CFAP61: variants seen among roughly 807,000 people sequenced by gnomAD.
CFAP61 encodes cilia- and flagella-associated protein 61.
A neutral mutation model predicts 135.6 loss-of-function variants in CFAP61; 107 were observed. That is an observed-to-expected ratio of 0.79 (90% CI 0.67 to 0.93). The LOEUF is 0.93. CFAP61 is among the 40% of genes least tolerant of loss of function. The probability of loss-of-function intolerance (pLI) is 0.00; values close to 1 mark genes in which losing one functional copy is unlikely to be tolerated. For synonymous variants in CFAP61, 575 were observed against 578.5 expected, an observed-to-expected ratio of 0.99 and a Z score of 0.09; for missense variants, 1,507 against 1,556.2, an observed-to-expected ratio of 0.97 and a Z score of 0.53.
chr20:20,070,731 C>T (rs915319725), intron 2 of CFAP61, 123 bp from the exon 3 acceptor site: 25 of 812,700 alleles, frequency 3.1e-5, no homozygotes, highest in Admixed American at 2.0e-4. Flanking sequence ...TCACCTTTTC[C>T]AAAGATTATC....
intron 21 of CFAP61, among the ~76,000 whole-genome samples, chr20:20,274,679 A>T (rs534544145): frequency 5.7e-4 from 87 of 152,056 alleles, no homozygotes; most frequent in African/African-American, 1.8e-3. Context: ...AAATGAAAAT[A>T]AAAAAAAGGC....
At chr20:20,302,433 G>T (rs544627555) in intron 25 of CFAP61, among the ~76,000 whole-genome samples, 1 of 152,078 alleles carries the variant, frequency 6.6e-6, no homozygotes, top group Non-Finnish European at 1.5e-5. Context: ...AGGCCGAGGC[G>T]GGCAGATCAC....
At chr20:20,163,981 G>A in intron 10 of CFAP61, 69 bp from the exon 11 acceptor site, 1 of 1,320,644 alleles carries the variant, frequency 7.6e-7, no homozygotes, top group African/African-American at 1.5e-5. Context: ...AGATAATGCA[G>A]CCACCAGCCC....
intron 6 of CFAP61, among the ~76,000 whole-genome samples, chr20:20,082,602 G>A (rs1238067315): frequency 6.6e-6 from 1 of 152,162 alleles, no homozygotes; most frequent in African/African-American, 2.4e-5. Flanking sequence ...CCTGGGGCTG[G>A]GAGGAGACTT....
At chr20:20,196,520 C>T (rs779028490) in intron 15 of CFAP61, 50 bp from the exon 16 acceptor site, 10 of 1,313,108 alleles carry the variant, frequency 7.6e-6, no homozygotes, top group South Asian at 1.2e-5. Context: ...AAAATGCATG[C>T]CGTTTGTTTA....
chr20:20,060,676 A>G (rs755710589), intron 2 of CFAP61, among the ~76,000 whole-genome samples: 8 of 152,336 alleles, frequency 5.3e-5, no homozygotes, highest in Admixed American at 1.3e-4. Flanking sequence ...TGTTCTCACA[A>G]AGAATCATGG....
intron 21 of CFAP61, among the ~76,000 whole-genome samples, chr20:20,264,589 A>G (rs2052552184): frequency 6.6e-6 from 1 of 152,208 alleles, no homozygotes; most frequent in Non-Finnish European, 1.5e-5. Flanking sequence ...CTTATCAGGG[A>G]AAATTCTCTA....
intron 25 of CFAP61, among the ~76,000 whole-genome samples, chr20:20,310,379 C>T (rs770098733): frequency 2.6e-5 from 4 of 152,132 alleles, no homozygotes; most frequent in South Asian, 2.1e-4. Flanking sequence ...GAGCATTTAA[C>T]GGATTGTTCA....
chr20:20,298,684 G>A (rs570289228), intron 25 of CFAP61, among the ~76,000 whole-genome samples: 10 of 152,284 alleles, frequency 6.6e-5, no homozygotes, highest in Admixed American at 4.6e-4. Context: ...CTTTCCACAC[G>A]GGGCTGCTAA....
At chr20:20,122,111 TCCCCCCAAGTCCC>T (rs2049693667) in intron 8 of CFAP61, among the ~76,000 whole-genome samples, 1 of 151,278 alleles carries the variant, frequency 6.6e-6, no homozygotes, top group African/African-American at 2.4e-5. Flanking sequence ...CTCCCAGCTT[TCCCCCCAAGTCCC>T]CAAAGTCCAT....
At chr20:20,159,537 C>T in intron 10 of CFAP61, 93 bp downstream of exon 10, 1 of 1,105,286 alleles carries the variant, frequency 9.0e-7, no homozygotes. Flanking sequence ...TTCCTCCTCC[C>T]AATCTCCCTG....
chr20:20,353,809 T>C (rs116081277), intron 26 of CFAP61, among the ~76,000 whole-genome samples: 2 of 152,238 alleles, frequency 1.3e-5, no homozygotes, highest in African/African-American at 4.8e-5. Context: ...CTTGTTAGTA[T>C]GGCTGTTATA....
intron 2 of CFAP61, among the ~76,000 whole-genome samples, chr20:20,067,662 TA>T (rs1491085281): frequency 4.1e-5 from 5 of 122,452 alleles, no homozygotes; most frequent in South Asian, 2.7e-4. Flanking sequence ...TATATATATA[TA>T]ATATATATAT....
chr20:20,280,049 T>C (rs762037313), intron 22 of CFAP61, among the ~76,000 whole-genome samples: 6 of 152,106 alleles, frequency 3.9e-5, no homozygotes, highest in Non-Finnish European at 8.8e-5. Flanking sequence ...TAGAAAGATA[T>C]GTTGATGTCC....
Position 20,263,091 on chromosome 20 carries a change from G to A in CFAP61, c.2464G>A (p.Ala822Thr). 6.2e-7 allele frequency: 1 copy of A among 1,613,966 alleles called. No homozygotes were observed. Residue 822 changes from alanine (A) to threonine (T), a missense_variant, in exon 21 of 27, where the codon GCA (alanine) becomes ACA (threonine). Transcript: ENST00000245957. ...CAACGAGGAAGAGGATTGCTTTAAG[G>A]CACTGATTTGGATAAGGAATAACTC... ...TLNEEEDCFK[A>T]LIWIRNNSIT... is the part of the protein sequence containing the mutation.
chr20:20,053,220 A>G (rs2043906906), intron 1 of CFAP61, among the ~76,000 whole-genome samples: 1 of 151,700 alleles, frequency 6.6e-6, no homozygotes, highest in African/African-American at 2.4e-5. Flanking sequence ...ACTGAAAAGC[A>G]AAGGTTAAGA....
chr20:20,302,628 C>T (rs1453711755), intron 25 of CFAP61, among the ~76,000 whole-genome samples: 1 of 152,168 alleles, frequency 6.6e-6, no homozygotes, highest in African/African-American at 2.4e-5. Context: ...CTCCACTGCA[C>T]TCCAGCCTGG....
At chr20:20,247,026 T>TG (rs2146976408) in intron 19 of CFAP61, among the ~76,000 whole-genome samples, 1 of 152,322 alleles carries the variant, frequency 6.6e-6, no homozygotes, top group South Asian at 2.1e-4. Context: ...AAAAAGGGCA[T>TG]GGGTTTGAGC....
At chr20:20,355,015 A>G (rs78644051) in intron 26 of CFAP61, among the ~76,000 whole-genome samples, 25 of 26,262 alleles carry the variant, frequency 9.5e-4, no homozygotes, top group Admixed American at 1.1e-3. Flanking sequence ...GTCACACTGC[A>G]AGAGGGGAGG....
Sources: gnomAD v4.1 joint callset for allele counts (sites outside exome capture counted in the v4.1 genomes callset) on GRCh38, gnomAD v4.1.1 for gene constraint, MANE v1.5 for transcripts, NCBI Gene and HGNC (gene_info 2026-07-23, HGNC 2026-07-21) for gene names.